The following MEF2C variants were observed in gnomAD, a reference collection of about 807,000 sequenced individuals.
The protein encoded by MEF2C is myocyte enhancer factor 2C, also known as myocyte-specific enhancer factor 2C.
MEF2C carries 6 observed loss-of-function variants against 50.5 expected under a neutral mutation model. The ratio of observed to expected loss-of-function variants is 0.12; its 90% confidence interval spans 0.07 to 0.23. MEF2C has a LOEUF of 0.23. MEF2C is among the 10% of genes least tolerant of loss of function. The probability of loss-of-function intolerance (pLI) is 1.00; values close to 1 mark genes in which losing one functional copy is unlikely to be tolerated. For missense variants in MEF2C, 276 were observed against 605.0 expected (o/e 0.46, Z 5.70); for synonymous variants, 183 against 228.0 (o/e 0.80, Z 1.78).
chr5:88,772,936 C>A, intron 3 of MEF2C: 1 of 983,926 alleles, frequency 1.0e-6, no homozygotes, highest in Non-Finnish European at 1.2e-6. Context: ...TATGCCATCC[C>A]AGAGACTGCC....
intron 6 of MEF2C, chr5:88,741,016 G>A (rs1171868568): frequency 1.5e-5 from 15 of 985,244 alleles, no homozygotes; most frequent in African/African-American, 3.5e-5. Flanking sequence ...CAACTGCTGC[G>A]AACACATCAG....
chr5:88,861,788 A>G lies in MEF2C; in HGVS notation c.-143+21167T>C, dbSNP rs147029846. 7.2e-5 allele frequency among the ~76,000 whole-genome samples: 11 copies of G among 152,270 alleles called. No individual in the cohort carries two copies. The East Asian group carries it at 2.1e-3, about 29-fold the overall frequency. ...CCTTGTGATATTTACTGACTTGCAA[A>G]TCTCTAATAGTATGCTAATTAAATT... On this transcript the variant is annotated intron_variant, in intron 1 of 10. Transcript: ENST00000504921.
intron 1 of MEF2C, among the ~76,000 whole-genome samples, chr5:88,842,900 G>A (rs895754655): frequency 2.6e-5 from 4 of 152,144 alleles, no homozygotes; most frequent in Non-Finnish European, 5.9e-5. Flanking sequence ...TTGAAATTAA[G>A]CGTGGGTTCT....
rs535930503 is a variant in MEF2C, at chr5:88,857,773, T to G, written c.-143+25182A>C. Among the ~76,000 whole-genome samples, 3 of 152,338 alleles carry G rather than the reference T, an allele frequency of 2.0e-5. No homozygotes were observed. In the South Asian group the frequency reaches 6.2e-4, roughly 32 times the overall value. ...CCACAATTCTAAGTTTCCTGAGGCC[T>G]CCCCAGCCATGTGAAACTGTGAGTT... On this transcript the variant is annotated intron_variant, in intron 1 of 10. Transcript: ENST00000504921.
At chr5:88,903,486 C>G (rs1448832268) in intron 1 of MEF2C, among the ~76,000 whole-genome samples, 1 of 151,730 alleles carries the variant, frequency 6.6e-6, no homozygotes, top group Non-Finnish European at 1.5e-5. Context: ...TTTAAAAAAC[C>G]CAGTACATGT....
At chr5:88,852,024 C>T (rs974832910) in intron 1 of MEF2C, among the ~76,000 whole-genome samples, 3 of 152,012 alleles carry the variant, frequency 2.0e-5, no homozygotes, top group African/African-American at 7.2e-5. Context: ...AGTGAAAACT[C>T]GAATGACCAA....
intron 10 of MEF2C, among the ~76,000 whole-genome samples, chr5:88,726,245 T>G (rs1281301033): frequency 1.3e-5 from 2 of 152,270 alleles, no homozygotes; most frequent in East Asian, 3.9e-4. Context: ...CACTCTGCTA[T>G]GAACATTGTC....
rs759464474 is a variant in MEF2C at position 88,875,293 on chromosome 5, ACTCT to A, written c.-143+7658_-143+7661del. On this transcript the variant is annotated intron_variant, in intron 1 of 10. Coordinates refer to ENST00000504921, the MANE Select transcript of MEF2C (RefSeq NM_002397.5). ...AAAAGCTCACATTTTCTCCCCCTGT[ACTCT>A]CTATTTTGACCTAATAATCATTTAA... is the stretch of plus-strand genomic sequence containing the variant. 5.3e-5 allele frequency among the ~76,000 whole-genome samples: 8 copies of A among 151,968 alleles called. No homozygotes were observed. In the East Asian group the frequency reaches 1.2e-3, roughly 22 times the overall value.
At chr5:88,784,621 A>T (rs1411044301) in intron 3 of MEF2C, among the ~76,000 whole-genome samples, 1 of 152,232 alleles carries the variant, frequency 6.6e-6, no homozygotes, top group Non-Finnish European at 1.5e-5. Context: ...AATATTTTCC[A>T]TATTACAGAC....
rs548853700 is a variant in MEF2C at position 88,740,304 on chromosome 5, T to C, written c.638-8403A>G. ...AGTCTGTCAATGAGACAATGAGCTT[T>C]TAACGTACAGCACATACTGTGTAAG... On this transcript the variant is annotated intron_variant, in intron 6 of 10. Transcript: ENST00000504921. 16 of 984,862 alleles carry C rather than the reference T, an allele frequency of 1.6e-5. No homozygotes were observed. In the African/African-American group the frequency reaches 2.8e-4, roughly 17 times the overall value. 61.0% of individuals were successfully genotyped at this position (984,862 alleles called of 1,614,324 possible). A position where few individuals can be genotyped will look rare whatever the true frequency, so the allele number is the denominator to read the frequency against.
chr5:88,841,321 A>C (rs2153324854), intron 1 of MEF2C, among the ~76,000 whole-genome samples: 1 of 152,202 alleles, frequency 6.6e-6, no homozygotes, highest in East Asian at 1.9e-4. Context: ...AGTCTGGGCA[A>C]CATGGTGAGA....
At chr5:88,784,957 A>T (rs1790104742) in intron 3 of MEF2C, among the ~76,000 whole-genome samples, 1 of 152,194 alleles carries the variant, frequency 6.6e-6, no homozygotes, top group Non-Finnish European at 1.5e-5. Context: ...CATCCATTAC[A>T]AAGAGCAGTA....
chr5:88,777,914 T>TG (rs1335411956), intron 3 of MEF2C, among the ~76,000 whole-genome samples: 10 of 141,324 alleles, frequency 7.1e-5, no homozygotes, highest in Admixed American at 6.3e-4. Flanking sequence ...TTTTTTTTTT[T>TG]TTTTTTTTGA....
intron 3 of MEF2C, among the ~76,000 whole-genome samples, chr5:88,794,983 T>A (rs1211771436): frequency 6.6e-6 from 1 of 152,220 alleles, no homozygotes; most frequent in Non-Finnish European, 1.5e-5. Flanking sequence ...GAGGCCTCTG[T>A]TCTGTTCCAT....
In MEF2C at chr5:88,749,071, T is replaced by C; in HGVS notation, c.636A>G (p.Ala212=). ...CTGCAGTATGGAGTCTGGGCTTACC[T>C]GCACTGGTGCCTGCACCAGACGTGA... ...GDLTSGAGTS[A]GNGYGNPRNS... is the part of the protein sequence containing the mutation. Residue 212 remains alanine (A), a splice_region_variant and synonymous_variant, in exon 6 of 11, where the codon GCA becomes GCG. Coordinates refer to ENST00000504921, the MANE Select transcript of MEF2C (RefSeq NM_002397.5). 6.4e-7 allele frequency: 1 copy of C among 1,572,638 alleles called. No individual in the cohort carries two copies. The highest frequency in any genetic ancestry group is 8.6e-7 in the Non-Finnish European group (1 of 1,158,236).
At chr5:88,840,358 T>C (rs1160988476) in intron 1 of MEF2C, among the ~76,000 whole-genome samples, 1 of 152,200 alleles carries the variant, frequency 6.6e-6, no homozygotes. Context: ...TCTGTTCTTT[T>C]AATCTTTCCT....
chr5:88,802,444 T>TTTG (rs939645363), intron 3 of MEF2C, among the ~76,000 whole-genome samples: 5 of 152,180 alleles, frequency 3.3e-5, no homozygotes, highest in South Asian at 2.1e-4. Context: ...AGTGGGTTTT[T>TTTG]TTGTTGTTGT....
chr5:88,778,526 T>C (rs1056176951), intron 3 of MEF2C, among the ~76,000 whole-genome samples: 3 of 152,032 alleles, frequency 2.0e-5, no homozygotes, highest in Non-Finnish European at 4.4e-5. Flanking sequence ...AAGAGAAAAA[T>C]GTATGCTTTT....
At chr5:88,745,823 CACAT>C (rs1289331155) in intron 6 of MEF2C, among the ~76,000 whole-genome samples, 2 of 152,176 alleles carry the variant, frequency 1.3e-5, no homozygotes, top group African/African-American at 4.8e-5. Flanking sequence ...TCAAAACACA[CACAT>C]ACAAACACAC....
Sources: allele counts gnomAD v4.1 joint callset (sites outside exome capture counted in the v4.1 genomes callset), GRCh38; gene constraint gnomAD v4.1.1; transcripts MANE v1.5; gene names NCBI Gene and HGNC (gene_info 2026-07-23, HGNC 2026-07-21).